The following SRBD1 variants were observed in gnomAD, a reference collection of about 807,000 sequenced individuals.
The protein encoded by SRBD1 is S1 RNA binding domain 1, also known as S1 RNA-binding domain-containing protein 1.
In SRBD1, 88 loss-of-function variants were observed where a neutral mutation model predicts 115.3. That is an observed-to-expected ratio of 0.76 (90% CI 0.64 to 0.91). The LOEUF (loss-of-function observed/expected upper bound fraction) is 0.91. Ranked by LOEUF, SRBD1 falls within the 40% of genes least tolerant of loss-of-function variation. The pLI is 0.00. For missense variants in SRBD1, 1,385 were observed against 1,177.4 expected (o/e 1.18, Z -2.58); for synonymous variants, 509 against 407.7 (o/e 1.25, Z -2.99).
At chr2:45,551,056 T>G in intron 12 of SRBD1, 69 bp downstream of exon 12, 1 of 1,510,480 alleles carries the variant, frequency 6.6e-7, no homozygotes, top group Non-Finnish European at 8.8e-7. Flanking sequence ...CAAATCCTCA[T>G]GAAATGTATG....
chr2:45,518,627 G>A (rs1671190960), intron 14 of SRBD1, among the ~76,000 whole-genome samples: 1 of 152,154 alleles, frequency 6.6e-6, no homozygotes, highest in African/African-American at 2.4e-5. Flanking sequence ...TATACAACAT[G>A]TTTGGTGCCT....
Position 45,466,551 on chromosome 2 carries a change from G to T in SRBD1, c.2049+10442C>A, listed in dbSNP as rs969110213. The stretch of plus-strand genomic sequence containing the variant: ...CTGGATTTAATTCTTTCAGACTTCT[G>T]CCTCCACCACTCCAGTGAAATTATT... On this transcript the variant is annotated intron_variant, in intron 16 of 20. Coordinates refer to ENST00000263736, the MANE Select transcript of SRBD1 (RefSeq NM_018079.5). 1.4e-4 allele frequency among the ~76,000 whole-genome samples: 22 copies of T among 152,084 alleles called. No individual in the cohort carries two copies. In the South Asian group the frequency reaches 4.4e-3, roughly 30 times the overall value.
chr2:45,394,344 T>C (rs1006696543), intron 19 of SRBD1, among the ~76,000 whole-genome samples: 1 of 152,238 alleles, frequency 6.6e-6, no homozygotes, highest in Non-Finnish European at 1.5e-5. Context: ...TAGCTTACTT[T>C]CTTGACATTC....
At chr2:45,568,378 T>G (rs961046277) in intron 9 of SRBD1, among the ~76,000 whole-genome samples, 1 of 152,328 alleles carries the variant, frequency 6.6e-6, no homozygotes, top group East Asian at 1.9e-4. Context: ...GTGCTGGGGT[T>G]ATCTACATAA....
intron 14 of SRBD1, among the ~76,000 whole-genome samples, chr2:45,531,215 T>G (rs1246020012): frequency 2.0e-5 from 3 of 151,824 alleles, no homozygotes; most frequent in Non-Finnish European, 4.4e-5. Flanking sequence ...GCCAAAGTCT[T>G]TAATTCAACT....
intron 14 of SRBD1, among the ~76,000 whole-genome samples, chr2:45,521,593 T>C (rs184368333): frequency 3.9e-5 from 6 of 152,268 alleles, no homozygotes; most frequent in African/African-American, 1.4e-4. Context: ...AACTCAAGAT[T>C]TGATAGTTCT....
At chr2:45,573,186 A>G in intron 9 of SRBD1, 21 bp downstream of exon 9, 1 of 1,583,504 alleles carries the variant, frequency 6.3e-7, no homozygotes, top group South Asian at 1.2e-5. Context: ...ATCAGCATGC[A>G]CATGCAGTTT....
chr2:45,418,387 C>T lies in SRBD1; in HGVS notation c.2311G>A (p.Asp771Asn). The change falls in exon 18 of 21, where the codon GAT becomes AAT. Residue 771 changes from aspartate to asparagine, a missense_variant. By Grantham distance (23) the Asp-to-Asn change is conservative. Transcript: ENST00000263736. ...CACCTGCAAAACGTTCGGATATAAT[C>T]CTGGTTGATTCTGATGAAGCCAGCA... The part of the protein sequence containing the change: ...QCAGFIRINQ[D>N]YIRTFCSQQT... 6.2e-7 allele frequency: 1 copy of T among 1,613,260 alleles called. No homozygotes were observed. Among genetic ancestry groups the T allele is most frequent in the East Asian group, 2.2e-5 (1 of 44,860 alleles).
chr2:45,540,016 C>G (rs1430016671), intron 14 of SRBD1, among the ~76,000 whole-genome samples: 1 of 151,998 alleles, frequency 6.6e-6, no homozygotes, highest in African/African-American at 2.4e-5. Context: ...TTGAAAAACA[C>G]AGAACTTCTA....
intron 16 of SRBD1, among the ~76,000 whole-genome samples, chr2:45,443,324 A>T (rs987764715): frequency 2.6e-5 from 4 of 152,194 alleles, no homozygotes; most frequent in African/African-American, 9.6e-5. Context: ...AAAAGGAAGA[A>T]TAAAGAATCT....
chr2:45,505,131 A>G (rs1670759216), intron 14 of SRBD1, among the ~76,000 whole-genome samples: 1 of 152,260 alleles, frequency 6.6e-6, no homozygotes, highest in Non-Finnish European at 1.5e-5. Flanking sequence ...TCATCCATCT[A>G]TGAACAAATG....
rs374434290 is a variant in SRBD1, at chr2:45,413,160, A to G, written c.2467T>C (p.Leu823=). 9.9e-6 allele frequency: 16 copies of G among 1,613,974 alleles called. No individual in the cohort carries two copies. Among genetic ancestry groups the G allele is most frequent in the African/African-American group, 1.3e-5 (1 of 74,924 alleles). The change falls in exon 19 of 21, where the codon TTG becomes CTG. Residue 823 remains leucine (L), a synonymous_variant. Coordinates refer to ENST00000263736, the MANE Select transcript of SRBD1 (RefSeq NM_018079.5). ...AVNVLLKPNP[L]DQTCIHPESY... is the part of the protein sequence containing the mutation. ...TCTGGATGAATACAAGTTTGGTCCA[A>G]AGGATTTGGCTTCAGTAAAACATTC...
intron 16 of SRBD1, among the ~76,000 whole-genome samples, chr2:45,443,974 T>C (rs990027411): frequency 1.3e-5 from 2 of 152,094 alleles, no homozygotes; most frequent in East Asian, 1.9e-4. Flanking sequence ...CAGAGAAATA[T>C]TCATAATCTG....
chr2:45,399,216 C>T (rs1054188451), intron 19 of SRBD1, among the ~76,000 whole-genome samples: 4 of 152,112 alleles, frequency 2.6e-5, no homozygotes, highest in African/African-American at 9.7e-5. Flanking sequence ...AGGAATGTGA[C>T]AAAATGCTGA....
At chr2:45,555,489 T>C (rs1174254867) in intron 10 of SRBD1, among the ~76,000 whole-genome samples, 3 of 73,528 alleles carry the variant, frequency 4.1e-5, no homozygotes, top group African/African-American at 1.1e-4. Flanking sequence ...CATTAAACCC[T>C]TTTTTTTTTT....
chr2:45,389,548 T>G lies in SRBD1; in HGVS notation c.2750A>C (p.Gln917Pro). 1 of 1,614,048 alleles carries G rather than the reference T, an allele frequency of 6.2e-7. No individual in the cohort carries two copies. The change falls in exon 21 of 21, where the codon CAG (glutamine) becomes CCG (proline). Residue 917 changes from glutamine to proline, a missense_variant. Physicochemically the swap from Gln to Pro is moderately conservative, Grantham distance 76 (BLOSUM62 -1). Coordinates refer to ENST00000263736, the MANE Select transcript of SRBD1 (RefSeq NM_018079.5). ...TTTGCCTGTAAGAACTGTCCCAATCTGCAGATCTTCCAGGCATACTATGCT... is the reference window on the plus strand; with the variant it reads ...TTTGCCTGTAAGAACTGTCCCAATCGGCAGATCTTCCAGGCATACTATGCT... ...KRSIVCLEDL[Q>P]IGTVLTGKVE...
intron 9 of SRBD1, among the ~76,000 whole-genome samples, chr2:45,565,290 A>G (rs1233003456): frequency 6.6e-6 from 1 of 152,224 alleles, no homozygotes; most frequent in Non-Finnish European, 1.5e-5. Context: ...ATAGACATAC[A>G]ATGGAATAGA....
intron 19 of SRBD1, among the ~76,000 whole-genome samples, chr2:45,400,088 T>C (rs1425917483): frequency 6.6e-6 from 1 of 152,126 alleles, no homozygotes; most frequent in Non-Finnish European, 1.5e-5. Context: ...ATCAAAAAAT[T>C]TGAAAATGCT....
intron 14 of SRBD1, among the ~76,000 whole-genome samples, chr2:45,525,063 G>A (rs12989201): frequency 0.28 from 43,062 of 151,598 alleles, 6,334 homozygotes; most frequent in African/African-American, 0.37. Context: ...AACAAATGTC[G>A]GTAGGACTAC....
Sources: gnomAD v4.1 joint callset for allele counts (sites outside exome capture counted in the v4.1 genomes callset) on GRCh38, gnomAD v4.1.1 for gene constraint, MANE v1.5 for transcripts, NCBI Gene and HGNC (gene_info 2026-07-23, HGNC 2026-07-21) for gene names.